The following CDH13 variants were observed in gnomAD, a reference collection of about 807,000 sequenced individuals.
The protein encoded by CDH13 is cadherin-13.
In CDH13, 24 loss-of-function variants were observed where a neutral mutation model predicts 63.8. The ratio of observed to expected loss-of-function variants is 0.38; its 90% CI spans 0.27 to 0.53. CDH13 has a LOEUF of 0.53. Ranked by LOEUF, CDH13 falls within the 20% of genes least tolerant of loss-of-function variation. The pLI is 0.85. For missense variants in CDH13, 1,049 were observed against 903.1 expected (o/e 1.16, Z -2.07); for synonymous variants, 503 against 355.3 (o/e 1.42, Z -4.67).
intron 2 of CDH13, among the ~76,000 whole-genome samples, chr16:83,013,313 C>A (rs1171820038): frequency 6.6e-6 from 1 of 152,172 alleles, no homozygotes; most frequent in Non-Finnish European, 1.5e-5. Flanking sequence ...AGATTCCAGA[C>A]TCCTGGTTTG....
At chr16:83,605,675 G>A (rs1319760234) in intron 8 of CDH13, among the ~76,000 whole-genome samples, 1 of 152,148 alleles carries the variant, frequency 6.6e-6, no homozygotes, top group African/African-American at 2.4e-5. Context: ...GAGGATGGTG[G>A]GAGGAAGGCC....
chr16:83,395,928 A>G (rs1376080153), intron 6 of CDH13, among the ~76,000 whole-genome samples: 1 of 151,804 alleles, frequency 6.6e-6, no homozygotes, highest in African/African-American at 2.4e-5. Flanking sequence ...TTCAGTAGTT[A>G]TTTTTCCTGA....
intron 10 of CDH13, among the ~76,000 whole-genome samples, chr16:83,725,303 G>T (rs1397962764): frequency 6.6e-6 from 1 of 152,184 alleles, no homozygotes; most frequent in Non-Finnish European, 1.5e-5. Flanking sequence ...ACTGCAACGG[G>T]TCTTGTGTAT....
At chr16:83,083,623 T>C (rs1427542196) in intron 3 of CDH13, among the ~76,000 whole-genome samples, 2 of 152,172 alleles carry the variant, frequency 1.3e-5, no homozygotes, top group Non-Finnish European at 2.9e-5. Context: ...ACATGAAATA[T>C]GGAATTTGTA....
At chr16:83,543,912 C>T (rs1384708755) in intron 7 of CDH13, among the ~76,000 whole-genome samples, 1 of 152,220 alleles carries the variant, frequency 6.6e-6, no homozygotes, top group East Asian at 1.9e-4. Flanking sequence ...AAGACCAAGA[C>T]TTCTGAGCCA....
chr16:83,083,127 A>G (rs1310177232), intron 3 of CDH13, among the ~76,000 whole-genome samples: 1 of 152,206 alleles, frequency 6.6e-6, no homozygotes, highest in African/African-American at 2.4e-5. Flanking sequence ...GTAATTGGAC[A>G]TTTATAAGAA....
chr16:83,087,871 A>G (rs1409370549), intron 3 of CDH13, among the ~76,000 whole-genome samples: 1 of 152,128 alleles, frequency 6.6e-6, no homozygotes, highest in African/African-American at 2.4e-5. Flanking sequence ...TTGTCTAGCA[A>G]GATGGTTTCA....
At chr16:83,029,389 C>T (rs921767700) in intron 2 of CDH13, among the ~76,000 whole-genome samples, 1 of 151,940 alleles carries the variant, frequency 6.6e-6, no homozygotes, top group Non-Finnish European at 1.5e-5. Context: ...ATTTGGAGCC[C>T]CAAAGTGGAA....
At chr16:83,172,170 C>G (rs1032523629) in intron 4 of CDH13, among the ~76,000 whole-genome samples, 14 of 152,006 alleles carry the variant, frequency 9.2e-5, no homozygotes, top group Middle Eastern at 3.2e-3. Context: ...GAGATAGACT[C>G]ACACTCAGAG....
Position 83,586,557 on chromosome 16 carries a change from G to C in CDH13, c.961-15897G>C, listed in dbSNP as rs1371820256. On this transcript the variant is annotated intron_variant, in intron 7 of 13. Transcript: ENST00000567109. ...GTTAAGTCGTAACATCTGACTTGTT[G>C]TTCCTTGCTCTGCTAACGATCCAGG... is the stretch of plus-strand genomic sequence containing the variant. 2.6e-5 allele frequency among the ~76,000 whole-genome samples: 4 copies of C among 152,286 alleles called. No homozygotes were observed. In the East Asian group the frequency reaches 7.7e-4, roughly 29 times the overall value.
intron 5 of CDH13, among the ~76,000 whole-genome samples, chr16:83,221,587 G>T (rs2151793042): frequency 6.6e-6 from 1 of 151,740 alleles, no homozygotes; most frequent in African/African-American, 2.4e-5. Flanking sequence ...TCTACTGGCT[G>T]CAAATTTGCC....
intron 7 of CDH13, among the ~76,000 whole-genome samples, chr16:83,567,644 G>A (rs1003733255): frequency 6.6e-5 from 10 of 152,186 alleles, no homozygotes; most frequent in African/African-American, 2.4e-4. Context: ...TGCCCAGGCT[G>A]GAGTGCAGTG....
chr16:83,092,083 A>C (rs74033132), intron 3 of CDH13, among the ~76,000 whole-genome samples: 1 of 152,262 alleles, frequency 6.6e-6, no homozygotes, highest in African/African-American at 2.4e-5. Flanking sequence ...TTAAAGAACC[A>C]TGAAATAATA....
At chr16:83,564,046 A>G (rs1230974342) in intron 7 of CDH13, among the ~76,000 whole-genome samples, 1 of 152,164 alleles carries the variant, frequency 6.6e-6, no homozygotes, top group Non-Finnish European at 1.5e-5. Flanking sequence ...TTCCTCACAG[A>G]GCAATTATGA....
At chr16:83,569,248 C>T (rs932761372) in intron 7 of CDH13, among the ~76,000 whole-genome samples, 3 of 152,104 alleles carry the variant, frequency 2.0e-5, no homozygotes, top group African/African-American at 7.2e-5. Context: ...CTTAAATGTC[C>T]CCACCAAACC....
chr16:83,612,412 G>A (rs1908938946), intron 8 of CDH13, among the ~76,000 whole-genome samples: 1 of 151,248 alleles, frequency 6.6e-6, no homozygotes, highest in Admixed American at 6.6e-5. Context: ...TATTTAGTCT[G>A]TGTCTCTTTT....
chr16:83,031,231 T>C (rs1211723836), intron 2 of CDH13, among the ~76,000 whole-genome samples: 1 of 146,358 alleles, frequency 6.8e-6, no homozygotes, highest in Non-Finnish European at 1.5e-5. Context: ...TGCGCATGTA[T>C]ACACCATATA....
At chr16:82,873,935 C>T (rs930570889) in intron 2 of CDH13, among the ~76,000 whole-genome samples, 2 of 152,122 alleles carry the variant, frequency 1.3e-5, no homozygotes, top group African/African-American at 4.8e-5. Flanking sequence ...CCACTTCTCA[C>T]TCATGCTTGG....
chr16:82,923,123 C>A (rs1254310266), intron 2 of CDH13, among the ~76,000 whole-genome samples: 1 of 152,150 alleles, frequency 6.6e-6, no homozygotes, highest in Admixed American at 6.5e-5. Flanking sequence ...AATAGACTTG[C>A]TCAATGCAGG....
Sources: gnomAD v4.1 joint callset for allele counts (sites outside exome capture counted in the v4.1 genomes callset) on GRCh38, gnomAD v4.1.1 for gene constraint, MANE v1.5 for transcripts, NCBI Gene and HGNC (gene_info 2026-07-23, HGNC 2026-07-21) for gene names.